Variants in ADAMTSL1 observed in about 807,000 individuals in gnomAD.
ADAMTSL1 encodes the protein ADAMTS like 1.
In ADAMTSL1, 126 loss-of-function variants were observed where a neutral mutation model predicts 201.8. The observed-to-expected ratio is 0.62, with a 90% CI of 0.54 to 0.72. The LOEUF (loss-of-function observed/expected upper bound fraction) is 0.72, where lower values mean the gene tolerates loss of function less well. ADAMTSL1 is among the 30% of genes least tolerant of loss of function. The probability of loss-of-function intolerance (pLI) is 0.00; values close to 1 mark genes in which losing one functional copy is unlikely to be tolerated. For synonymous variants in ADAMTSL1, 1,121 were observed against 903.4 expected (o/e 1.24, Z -4.32); for missense variants, 2,679 against 2,277.8 (o/e 1.18, Z -3.59).
At chr9:18,695,423 A>G (rs576891149) in intron 13 of ADAMTSL1, among the ~76,000 whole-genome samples, 1 of 152,298 alleles carries the variant, frequency 6.6e-6, no homozygotes, top group Admixed American at 6.5e-5. Context: ...CTAAACTTTT[A>G]TTATCTGCTT....
At chr9:17,950,393 T>C (rs1391003156) in intron 1 of ADAMTSL1, among the ~76,000 whole-genome samples, 1 of 152,078 alleles carries the variant, frequency 6.6e-6, no homozygotes, top group Non-Finnish European at 1.5e-5. Context: ...AAGTCCTCTT[T>C]GAACTTTTCC....
At position 18,368,260 on chromosome 9, in the gene ADAMTSL1, A is replaced by G. The variant is rs148126607; in HGVS notation, c.208-136569A>G. On this transcript the variant is annotated intron_variant, in intron 2 of 29. Transcript: ENST00000680146. ...TATCACATGCTTTCTGGCCTCATCAATATGAAACATCAGTTAACCTTTTAT... is the reference window on the plus strand; with the variant it reads ...TATCACATGCTTTCTGGCCTCATCAGTATGAAACATCAGTTAACCTTTTAT... Among the ~76,000 whole-genome samples the G allele has an allele frequency of 3.3e-3, 496 of 152,162 alleles. 3 individuals carry two copies. The highest frequency in any genetic ancestry group is 0.011 in the African/African-American group (471 of 41,518).
chr9:17,992,302 C>T (rs547442156), intron 1 of ADAMTSL1, among the ~76,000 whole-genome samples: 5 of 152,284 alleles, frequency 3.3e-5, no homozygotes, highest in African/African-American at 9.6e-5. Flanking sequence ...GGTGCATTAC[C>T]TGCAATTCTC....
intron 7 of ADAMTSL1, among the ~76,000 whole-genome samples, chr9:18,641,824 T>C (rs1003162908): frequency 6.6e-6 from 1 of 151,952 alleles, no homozygotes; most frequent in Non-Finnish European, 1.5e-5. Flanking sequence ...TGACTTAGCT[T>C]TTATAATTAT....
rs552672742 is a variant in ADAMTSL1, at chr9:18,799,193, G to C, written c.3805+3669G>C. The stretch of plus-strand genomic sequence containing the variant: ...TAGATGAAAGTAGCTTAGGAGGGGA[G>C]GATTGCAGGGAGGAGATTATAGGAA... On this transcript the variant is annotated intron_variant, in intron 20 of 28. Transcript: ENST00000380548. Among the ~76,000 whole-genome samples the C allele has an allele frequency of 2.0e-5, 3 of 152,092 alleles. No homozygotes were observed. The South Asian group carries it at 6.3e-4, about 32-fold the overall frequency.
At chr9:18,006,504 G>A (rs1012666785) in intron 1 of ADAMTSL1, among the ~76,000 whole-genome samples, 2 of 151,900 alleles carry the variant, frequency 1.3e-5, no homozygotes, top group Admixed American at 1.3e-4. Flanking sequence ...CTTAATACAT[G>A]TCCTGGAACT....
intron 2 of ADAMTSL1, among the ~76,000 whole-genome samples, chr9:18,361,004 G>A (rs1324352654): frequency 1.3e-5 from 2 of 152,082 alleles, no homozygotes; most frequent in Non-Finnish European, 2.9e-5. Context: ...TCAGAAAAAT[G>A]GTGATTAGAA....
In ADAMTSL1 at chr9:18,892,429, G is replaced by A. The variant is rs757152243; in HGVS notation, c.4684G>A (p.Gly1562Arg). Residue 1562 changes from glycine to arginine, a missense_variant, in exon 26 of 29, where the codon GGG becomes AGG. Coordinates refer to ENST00000380548, the MANE Select transcript of ADAMTSL1 (RefSeq NM_001040272.6). ...TSWSACTRSC[G>R]GGVQTRRVTC... ...CTGGTCTGCCTGTACCCGGAGCTGTGGGGGAGGTGTCCAGACCCGCAGGGT... is the reference window on the plus strand; with the variant it reads ...CTGGTCTGCCTGTACCCGGAGCTGTAGGGGAGGTGTCCAGACCCGCAGGGT... The A allele has an allele frequency of 1.9e-6, 3 of 1,613,538 alleles. No individual in the cohort carries two copies. The highest frequency in any genetic ancestry group is 2.2e-5 in the South Asian group (2 of 90,882).
At chr9:18,744,707 C>T (rs1027450865) in intron 15 of ADAMTSL1, among the ~76,000 whole-genome samples, 2 of 152,124 alleles carry the variant, frequency 1.3e-5, no homozygotes, top group African/African-American at 4.8e-5. Flanking sequence ...AGTAACTTCC[C>T]CGAGATTATT....
chr9:18,612,892 A>G (rs557727451), intron 4 of ADAMTSL1, among the ~76,000 whole-genome samples: 78 of 152,288 alleles, frequency 5.1e-4, no homozygotes, highest in Non-Finnish European at 1.0e-3. Context: ...ACAAACTTCT[A>G]CACAGCGAAA....
In ADAMTSL1 at chr9:18,777,321, A is replaced by C; in HGVS notation, c.3092A>C (p.Gln1031Pro). ...YDDLVSRLLE[Q>P]GGWPGELLAS... ...GACCTCGTCTCCCGGCTGCTGGAGC[A>C]GGGCGGCTGGCCCGGAGAGCTGCTG... Residue 1031 changes from glutamine (Q) to proline (P), a missense_variant, in exon 19 of 29, where the codon CAG becomes CCG. Transcript: ENST00000380548. 1 of 1,602,102 alleles carries C rather than the reference A, an allele frequency of 6.2e-7. No homozygotes were observed.
rs540163931 is a variant in ADAMTSL1, at chr9:18,287,281, T to C, written c.207+123300T>C. On this transcript the variant is annotated intron_variant, in intron 2 of 29. Transcript: ENST00000680146. ...GCAAAGTAAATTACATGGCTCAGCCTGGCATCAATGGAAGTACATACGTAT... is the reference window on the plus strand; with the variant it reads ...GCAAAGTAAATTACATGGCTCAGCCCGGCATCAATGGAAGTACATACGTAT... Among the ~76,000 whole-genome samples the C allele has an allele frequency of 3.3e-5, 5 of 152,200 alleles. No individual in the cohort carries two copies. The South Asian group carries it at 1.0e-3, about 32-fold the overall frequency.
chr9:18,130,650 C>T (rs986808538), intron 1 of ADAMTSL1, among the ~76,000 whole-genome samples: 3 of 152,178 alleles, frequency 2.0e-5, no homozygotes, highest in Non-Finnish European at 4.4e-5. Flanking sequence ...CAGGAAAATA[C>T]ATTATTCAAG....
At chr9:18,789,043 G>A (rs1821874124) in intron 19 of ADAMTSL1, among the ~76,000 whole-genome samples, 1 of 151,988 alleles carries the variant, frequency 6.6e-6, no homozygotes, top group South Asian at 2.1e-4. Flanking sequence ...CTCCTCCCTG[G>A]TCCCATGCAC....
At chr9:18,058,314 T>C (rs542548728) in intron 1 of ADAMTSL1, among the ~76,000 whole-genome samples, 7 of 152,144 alleles carry the variant, frequency 4.6e-5, no homozygotes, top group South Asian at 4.1e-4. Context: ...ATCTGCTGGG[T>C]ACCTAAATAT....
chr9:18,289,935 G>GT (rs892244902), intron 2 of ADAMTSL1, among the ~76,000 whole-genome samples: 21 of 152,106 alleles, frequency 1.4e-4, no homozygotes, highest in Non-Finnish European at 1.9e-4. Flanking sequence ...GAAATACTGA[G>GT]TTTTTTTTAC....
chr9:18,832,125 G>C (rs1269802520), intron 23 of ADAMTSL1, among the ~76,000 whole-genome samples: 2 of 152,162 alleles, frequency 1.3e-5, no homozygotes, highest in African/African-American at 4.8e-5. Context: ...CCATCAAAAC[G>C]AACAAGCCTC....
chr9:18,225,093 G>GT (rs1211350758), intron 2 of ADAMTSL1, among the ~76,000 whole-genome samples: 5 of 152,136 alleles, frequency 3.3e-5, no homozygotes, highest in African/African-American at 7.2e-5. Context: ...ACTTTTAGAA[G>GT]TAAGCCTAAG....
At chr9:17,972,090 A>C (rs1818226270) in intron 1 of ADAMTSL1, among the ~76,000 whole-genome samples, 1 of 151,920 alleles carries the variant, frequency 6.6e-6, no homozygotes, top group South Asian at 2.1e-4. Flanking sequence ...ATCATCTCAC[A>C]GTGACCTATT....
Sources: allele counts gnomAD v4.1 joint callset (sites outside exome capture counted in the v4.1 genomes callset), GRCh38; gene constraint gnomAD v4.1.1; transcripts MANE v1.5; gene names NCBI Gene and HGNC (gene_info 2026-07-23, HGNC 2026-07-21).